The following EIF4EBP1 variants were observed in gnomAD, a reference collection of about 807,000 sequenced individuals.
EIF4EBP1 encodes eukaryotic translation initiation factor 4E-binding protein 1.
EIF4EBP1 carries 5 observed loss-of-function variants against 9.2 expected under a neutral mutation model. The observed-to-expected ratio is 0.54, with a 90% CI of 0.28 to 1.14. The LOEUF (loss-of-function observed/expected upper bound fraction) is 1.14. Ranked by LOEUF, EIF4EBP1 falls within the 50% of genes most tolerant of loss-of-function variation. EIF4EBP1 has a pLI of 0.09. For synonymous variants in EIF4EBP1, 62 were observed against 67.0 expected (o/e 0.93, Z 0.36); for missense variants, 139 against 169.6 (o/e 0.82, Z 1.00).
intron 1 of EIF4EBP1, among the ~76,000 whole-genome samples, chr8:38,051,543 G>A (rs564737971): frequency 1.6e-4 from 25 of 152,182 alleles, no homozygotes; most frequent in African/African-American, 6.0e-4. Flanking sequence ...GTCCAAGACA[G>A]GCCTGCTGAT....
chr8:38,035,162 G>A (rs1171375871), intron 1 of EIF4EBP1, among the ~76,000 whole-genome samples: 4 of 152,126 alleles, frequency 2.6e-5, no homozygotes, highest in Non-Finnish European at 5.9e-5. Flanking sequence ...AAGATTTGGT[G>A]GGGGGTTCCT....
chr8:38,050,783 G>A (rs1413996053), intron 1 of EIF4EBP1, among the ~76,000 whole-genome samples: 1 of 152,064 alleles, frequency 6.6e-6, no homozygotes, highest in African/African-American at 2.4e-5. Context: ...CACCGGGCCT[G>A]GCTGTTTTTA....
At chr8:38,031,722 C>T (rs1284499650) in intron 1 of EIF4EBP1, among the ~76,000 whole-genome samples, 1 of 152,206 alleles carries the variant, frequency 6.6e-6, no homozygotes, top group Non-Finnish European at 1.5e-5. Flanking sequence ...GCGAGCGCGG[C>T]CAGATCCGAG....
In EIF4EBP1 at chr8:38,034,879, T is replaced by C. The variant is rs146316116; in HGVS notation, c.145+4161T>C. 2.1e-3 allele frequency among the ~76,000 whole-genome samples: 317 copies of C among 152,200 alleles called. 2 individuals are homozygous for C. Among genetic ancestry groups the C allele is most frequent in the Non-Finnish European group, 3.4e-3 (231 of 68,000 alleles). On this transcript the variant is annotated intron_variant, in intron 1 of 2. Transcript: ENST00000338825. The stretch of plus-strand genomic sequence containing the variant: ...CATGGAGGGAAGAAATTATTAAGGA[T>C]GGGTTAAAAGAGCTTGGACATTAAT...
chr8:38,030,812 G>A (rs1181586622), intron 1 of EIF4EBP1, 94 bp downstream of exon 1: 1 of 1,357,558 alleles, frequency 7.4e-7, no homozygotes, highest in South Asian at 1.7e-5. Context: ...GCTCAAGGGC[G>A]CCGTGATTGG....
intron 1 of EIF4EBP1, among the ~76,000 whole-genome samples, chr8:38,033,062 CTTT>C (rs765781155): frequency 6.4e-5 from 8 of 125,444 alleles, no homozygotes; most frequent in Admixed American, 8.3e-5. Context: ...TTCTTTCTTT[CTTT>C]TTTTTTTTTT....
intron 1 of EIF4EBP1, among the ~76,000 whole-genome samples, chr8:38,036,151 C>T (rs1809299656): frequency 6.6e-6 from 1 of 151,862 alleles, no homozygotes; most frequent in African/African-American, 2.4e-5. Flanking sequence ...GACCACAAAC[C>T]CGGCTATTTA....
rs1357716465 is a variant in EIF4EBP1 at position 38,059,767 on chromosome 8, A to AT, written c.326-137_326-136insT. ...TGAGACTCCATCTCAAAAAAAAAAA[A>AT]CAAAAAAACAAAAAAAAACTTATTT... On this transcript the variant is annotated intron_variant, in intron 2 of 2. Transcript: ENST00000338825. 2.6e-4 allele frequency: 225 copies of AT among 879,960 alleles called. 2 individuals carry two copies. In the East Asian group the frequency reaches 5.3e-3, roughly 21 times the overall value. The allele number at this position is 879,960 out of a possible 1,614,324, so 54.5% of individuals were successfully genotyped here. A position where few individuals can be genotyped will look rare whatever the true frequency, so the allele number is the denominator to read the frequency against.
chr8:38,048,857 G>A (rs61613316), intron 1 of EIF4EBP1, among the ~76,000 whole-genome samples: 2,661 of 151,984 alleles, frequency 0.018, 35 homozygotes, highest in Non-Finnish European at 0.022. Flanking sequence ...GGCCGGGTAC[G>A]GTGGCTCATG....
In EIF4EBP1 at chr8:38,042,897, C is replaced by T. The variant is rs1378724103; in HGVS notation, c.145+12179C>T. On this transcript the variant is annotated intron_variant, in intron 1 of 2. Coordinates refer to ENST00000338825, the MANE Select transcript of EIF4EBP1 (RefSeq NM_004095.4). Reference sequence around the variant, plus strand: ...TGGCCAACATGGCAAAACTCTGTCTCTACTGAAAATACAAAAAATTACCCA... The same window carrying T: ...TGGCCAACATGGCAAAACTCTGTCTTTACTGAAAATACAAAAAATTACCCA... 2.0e-5 allele frequency among the ~76,000 whole-genome samples: 3 copies of T among 152,156 alleles called. No individual in the cohort carries two copies. In the East Asian group the frequency reaches 5.8e-4, roughly 29 times the overall value.
intron 1 of EIF4EBP1, among the ~76,000 whole-genome samples, chr8:38,049,627 A>G (rs757704935): frequency 6.6e-6 from 1 of 151,202 alleles, no homozygotes; most frequent in Non-Finnish European, 1.5e-5. Context: ...GATTATAGAC[A>G]CACACCACCA....
intron 1 of EIF4EBP1, chr8:38,047,540 AG>A (rs997069289): frequency 1.3e-5 from 2 of 151,092 alleles, no homozygotes; most frequent in African/African-American, 4.9e-5. Context: ...GGTGGAATGC[AG>A]TGATGCGATC....
chr8:38,050,755 T>C (rs746386384), intron 1 of EIF4EBP1, among the ~76,000 whole-genome samples: 6 of 152,104 alleles, frequency 3.9e-5, no homozygotes, highest in Non-Finnish European at 8.8e-5. Context: ...TGGGATTACT[T>C]ACAGGTGTGA....
At chr8:38,039,726 A>G (rs1809351560) in intron 1 of EIF4EBP1, among the ~76,000 whole-genome samples, 1 of 151,942 alleles carries the variant, frequency 6.6e-6, no homozygotes, top group African/African-American at 2.4e-5. Context: ...TTGACTTAAG[A>G]TATTTTCTAT....
intron 1 of EIF4EBP1, among the ~76,000 whole-genome samples, chr8:38,037,649 T>G (rs1194571634): frequency 6.6e-6 from 1 of 152,056 alleles, no homozygotes; most frequent in Non-Finnish European, 1.5e-5. Flanking sequence ...GGCCTGAGTC[T>G]CCGCTGGCTT....
At chr8:38,035,610 C>A (rs760001546) in intron 1 of EIF4EBP1, among the ~76,000 whole-genome samples, 1 of 152,058 alleles carries the variant, frequency 6.6e-6, no homozygotes, top group Non-Finnish European at 1.5e-5. Flanking sequence ...CTCACTGCAG[C>A]CTCCACCTGC....
rs992227792 is a variant in EIF4EBP1, at chr8:38,049,515, T to G, written c.146-7566T>G. Among the ~76,000 whole-genome samples the G allele has an allele frequency of 8.1e-5, 12 of 149,022 alleles. No homozygotes were observed. The South Asian group carries it at 2.6e-3, about 32-fold the overall frequency. ...TTTTTTTCTTGAGACAGGTTCTCGC[T>G]CTGTCCCCCAGGCCGGAGTGCAGTA... On this transcript the variant is annotated intron_variant, in intron 1 of 2. Coordinates refer to ENST00000338825, the MANE Select transcript of EIF4EBP1 (RefSeq NM_004095.4).
At chr8:38,048,505 C>A (rs895743210) in intron 1 of EIF4EBP1, among the ~76,000 whole-genome samples, 1 of 152,178 alleles carries the variant, frequency 6.6e-6, no homozygotes, top group African/African-American at 2.4e-5. Flanking sequence ...AGGTCTTGCA[C>A]ACAGTTGGAC....
intron 1 of EIF4EBP1, among the ~76,000 whole-genome samples, chr8:38,042,633 C>T (rs561209731): frequency 6.6e-6 from 1 of 152,312 alleles, no homozygotes; most frequent in East Asian, 1.9e-4. Flanking sequence ...ATCCAAATCT[C>T]TTCTCATAAG....
Sources: gnomAD v4.1 joint callset for allele counts (sites outside exome capture counted in the v4.1 genomes callset) on GRCh38, gnomAD v4.1.1 for gene constraint, MANE v1.5 for transcripts, NCBI Gene and HGNC (gene_info 2026-07-23, HGNC 2026-07-21) for gene names.